The following NCAM1 variants were observed in gnomAD, a reference collection of about 807,000 sequenced individuals.
The protein encoded by NCAM1 is neural cell adhesion molecule 1.
NCAM1 carries 14 observed loss-of-function variants against 109.8 expected under a neutral mutation model. That is an observed-to-expected ratio of 0.13 (90% CI 0.08 to 0.20). The LOEUF is 0.20. Ranked by LOEUF, NCAM1 falls within the 10% of genes least tolerant of loss-of-function variation. The pLI is 1.00. For synonymous variants in NCAM1, 418 were observed against 442.9 expected, an observed-to-expected ratio of 0.94 and a Z score of 0.70; for missense variants, 774 against 1,109.9, an observed-to-expected ratio of 0.70 and a Z score of 4.30.
At chr11:112,964,151 T>TTTG (rs1950660307) in intron 1 of NCAM1, among the ~76,000 whole-genome samples, 3 of 4,308 alleles carry the variant, frequency 7.0e-4, no homozygotes, top group East Asian at 0.017. Flanking sequence ...TTTTTTTTTT[T>TTTG]TTTGTTTTTT....
At chr11:113,115,702 C>T (rs1940668150) in intron 1 of NCAM1, among the ~76,000 whole-genome samples, 1 of 152,192 alleles carries the variant, frequency 6.6e-6, no homozygotes, top group African/African-American at 2.4e-5. Context: ...TCTCCTTCTT[C>T]CACTCTGTGG....
intron 17 of NCAM1, among the ~76,000 whole-genome samples, chr11:113,262,668 CTTTTT>C (rs781731372): frequency 9.2e-5 from 14 of 151,848 alleles, no homozygotes; most frequent in Non-Finnish European, 1.9e-4. Context: ...AATTTTTTTT[CTTTTT>C]ATCTATTTTT....
chr11:113,271,681 G>T (rs1016058888), intron 18 of NCAM1, 79 bp from the exon 19 acceptor site: 1 of 1,102,450 alleles, frequency 9.1e-7, no homozygotes, highest in Non-Finnish European at 1.3e-6. Context: ...CCAGCCTTGG[G>T]TTGAGTCATA....
At chr11:113,166,773 A>C (rs7116192) in intron 1 of NCAM1, among the ~76,000 whole-genome samples, 31,784 of 151,172 alleles carry the variant, frequency 0.21, 4,210 homozygotes, top group East Asian at 0.37. Context: ...CACACACACA[A>C]AAAAAAACAC....
chr11:113,054,699 A>G (rs1953625632), intron 1 of NCAM1, among the ~76,000 whole-genome samples: 1 of 152,154 alleles, frequency 6.6e-6, no homozygotes, highest in Non-Finnish European at 1.5e-5. Flanking sequence ...TTTTTAGACA[A>G]TTGCTAATAG....
intron 1 of NCAM1, among the ~76,000 whole-genome samples, chr11:113,044,562 G>A (rs1953196008): frequency 6.6e-6 from 1 of 151,926 alleles, no homozygotes; most frequent in African/African-American, 2.4e-5. Context: ...GTGCAGGCCT[G>A]TAATCCCAGG....
At chr11:113,231,617 A>G (rs782022900) in intron 9 of NCAM1, 28 bp from the exon 10 acceptor site, 1 of 1,608,548 alleles carries the variant, frequency 6.2e-7, no homozygotes, top group South Asian at 1.1e-5. Flanking sequence ...GGGCTCTGAC[A>G]TGCTCCCTTC....
intron 1 of NCAM1, 33 bp downstream of exon 1, chr11:112,961,697 G>A (rs782102717): frequency 7.4e-7 from 1 of 1,347,130 alleles, no homozygotes; most frequent in Non-Finnish European, 1.0e-6. Context: ...TCTCAATCTG[G>A]TTTGCTAATT....
At chr11:113,148,140 C>T (rs1942087182) in intron 1 of NCAM1, among the ~76,000 whole-genome samples, 1 of 152,132 alleles carries the variant, frequency 6.6e-6, no homozygotes, top group African/African-American at 2.4e-5. Flanking sequence ...GAGGAGAAGC[C>T]CGACCTAGGG....
chr11:113,185,079 T>TATATATATATATATAGAGAGAGAGAGAG, intron 1 of NCAM1, among the ~76,000 whole-genome samples: 11 of 125,746 alleles, frequency 8.7e-5, no homozygotes, highest in East Asian at 5.7e-4. Flanking sequence ...TATATATATA[T>TATATATATATATATAGAGAGAGAGAGAG]AGAGAGAGAG....
At chr11:113,141,144 A>T (rs1267301338) in intron 1 of NCAM1, among the ~76,000 whole-genome samples, 1 of 152,218 alleles carries the variant, frequency 6.6e-6, no homozygotes, top group Non-Finnish European at 1.5e-5. Flanking sequence ...GTATTGCATA[A>T]ATCCACTTAA....
Position 113,232,305 on chromosome 11 carries a change from A to G in NCAM1, c.1376A>G (p.Asn459Ser). ...GATGGCCAGCTGCTGCCAAGCTCCAATTACAGCAATATCAAGATCTACAAC... is the reference window on the plus strand; with the variant it reads ...GATGGCCAGCTGCTGCCAAGCTCCAGTTACAGCAATATCAAGATCTACAAC... ...FRDGQLLPSS[N>S]YSNIKIYNTP... Residue 459 changes from asparagine (N) to serine (S), a missense_variant, in exon 11 of 20, where the codon AAT (asparagine) becomes AGT (serine). By Grantham distance (46) the Asn-to-Ser change is conservative. Around this residue, in one of 4 missense-constraint regions of NCAM1, gnomAD observed 523 missense variants for 784.2 expected, o/e 0.67. Transcript: ENST00000316851. 2 of 1,613,716 alleles carry G rather than the reference A, an allele frequency of 1.2e-6. No homozygotes were observed. The highest frequency in any genetic ancestry group is 1.7e-6 in the Non-Finnish European group (2 of 1,179,752).
chr11:113,210,989 C>A (rs1398072504), intron 7 of NCAM1, among the ~76,000 whole-genome samples: 1 of 152,158 alleles, frequency 6.6e-6, no homozygotes. Context: ...GTCTGCGGAG[C>A]GTTCATGCAG....
chr11:113,057,209 A>G (rs527824248), intron 1 of NCAM1, among the ~76,000 whole-genome samples: 1 of 152,292 alleles, frequency 6.6e-6, no homozygotes, highest in South Asian at 2.1e-4. Flanking sequence ...AGCTATGCCA[A>G]CAGTGACGAG....
chr11:113,106,398 T>TG (rs1940165160), intron 1 of NCAM1, among the ~76,000 whole-genome samples: 2 of 152,236 alleles, frequency 1.3e-5, no homozygotes, highest in Non-Finnish European at 2.9e-5. Flanking sequence ...AGTCTAACAG[T>TG]TGATGACATA....
intron 1 of NCAM1, among the ~76,000 whole-genome samples, chr11:113,021,692 T>A (rs1289806779): frequency 6.6e-6 from 1 of 152,244 alleles, no homozygotes; most frequent in African/African-American, 2.4e-5. Flanking sequence ...CCCATTGTCA[T>A]GTCACTAAAT....
intron 17 of NCAM1, chr11:113,265,182 T>A (rs1591472387): frequency 1.0e-6 from 1 of 984,754 alleles, no homozygotes; most frequent in African/African-American, 1.7e-5. Flanking sequence ...TTAAAGGAAA[T>A]AACAGTTCAT....
chr11:113,086,867 T>C (rs1939114617), intron 1 of NCAM1, among the ~76,000 whole-genome samples: 1 of 152,184 alleles, frequency 6.6e-6, no homozygotes, highest in Admixed American at 6.5e-5. Flanking sequence ...ATAATCTCAA[T>C]ACAAGATAAG....
chr11:113,030,510 G>A (rs1952683037), intron 1 of NCAM1, among the ~76,000 whole-genome samples: 1 of 152,126 alleles, frequency 6.6e-6, no homozygotes, highest in South Asian at 2.1e-4. Flanking sequence ...TGGTTAAGAT[G>A]GAGCAATTGA....
Sources: gnomAD v4.1 joint callset for allele counts (sites outside exome capture counted in the v4.1 genomes callset) on GRCh38, gnomAD v4.1.1 for gene constraint, gnomAD v4.1.1 regional missense constraint, MANE v1.5 for transcripts, NCBI Gene and HGNC (gene_info 2026-07-23, HGNC 2026-07-21) for gene names.